The following CLIP1 variants were observed in gnomAD, a reference collection of about 807,000 sequenced individuals.
CLIP1 encodes the protein CAP-Gly domain containing linker protein 1, also known as CAP-Gly domain-containing linker protein 1.
CLIP1 carries 66 observed loss-of-function variants against 161.6 expected under a neutral mutation model. That is an observed-to-expected ratio of 0.41 (90% CI 0.33 to 0.50). The LOEUF is 0.50. Ranked by LOEUF, CLIP1 falls within the 20% of genes least tolerant of loss-of-function variation. The probability of loss-of-function intolerance (pLI) is 0.27; values close to 1 mark genes in which losing one functional copy is unlikely to be tolerated. For synonymous variants in CLIP1, 598 were observed against 626.2 expected (o/e 0.96, Z 0.67); for missense variants, 1,376 against 1,702.0 (o/e 0.81, Z 3.37).
chr12:122,416,527 G>C (rs1487110414), intron 1 of CLIP1, among the ~76,000 whole-genome samples: 1 of 152,160 alleles, frequency 6.6e-6, no homozygotes. Flanking sequence ...GGGAGGTTGA[G>C]ATGAGAGGAT....
At chr12:122,366,438 C>T (rs1419067177) in intron 3 of CLIP1, among the ~76,000 whole-genome samples, 1 of 152,166 alleles carries the variant, frequency 6.6e-6, no homozygotes, top group Admixed American at 6.5e-5. Context: ...CATGATCACA[C>T]CACTGCACTA....
At chr12:122,281,354 G>T (rs929801989) in intron 21 of CLIP1, among the ~76,000 whole-genome samples, 3 of 152,032 alleles carry the variant, frequency 2.0e-5, no homozygotes, top group African/African-American at 7.2e-5. Flanking sequence ...TTGCCACCTG[G>T]GAAGTAAAAA....
Position 122,272,732 on chromosome 12 carries a change from G to A in CLIP1, c.*143C>T. On this transcript the variant is annotated 3_prime_UTR_variant, in exon 26 of 26. Coordinates refer to ENST00000620786, the MANE Select transcript of CLIP1 (RefSeq NM_001247997.2). ...CGGGGAGACTAAAGGGCAATTTGTT[G>A]AAGATCAAAATATTTTCCTAGATTT... The A allele has an allele frequency of 1.4e-6, 1 of 695,590 alleles. No individual in the cohort carries two copies. The highest frequency in any genetic ancestry group is 2.5e-6 in the Non-Finnish European group (1 of 402,064). The allele number at this position is 695,590 out of a possible 1,614,324, so 43.1% of individuals were successfully genotyped here.
chr12:122,320,041 G>A (rs1027789817), intron 17 of CLIP1, among the ~76,000 whole-genome samples: 27 of 152,028 alleles, frequency 1.8e-4, no homozygotes, highest in Non-Finnish European at 2.1e-4. Context: ...TTGGGAGGCC[G>A]AGGCAGGCGG....
At chr12:122,412,526 G>A (rs1261614527) in intron 1 of CLIP1, among the ~76,000 whole-genome samples, 3 of 151,984 alleles carry the variant, frequency 2.0e-5, no homozygotes, top group East Asian at 1.9e-4. Context: ...AAGGTGGCAC[G>A]TGTTTGTAAT....
intron 20 of CLIP1, among the ~76,000 whole-genome samples, chr12:122,306,865 G>T (rs1228381070): frequency 6.6e-6 from 1 of 152,006 alleles, no homozygotes; most frequent in Non-Finnish European, 1.5e-5. Flanking sequence ...TTAAAATCTT[G>T]AACAATAATC....
intron 20 of CLIP1, among the ~76,000 whole-genome samples, chr12:122,292,024 C>G (rs1043809669): frequency 6.6e-6 from 1 of 152,136 alleles, no homozygotes; most frequent in African/African-American, 2.4e-5. Context: ...CAGAGTCTCG[C>G]TCTGTCACCC....
chr12:122,320,930 G>C (rs1951474857), intron 17 of CLIP1, among the ~76,000 whole-genome samples: 1 of 151,400 alleles, frequency 6.6e-6, no homozygotes, highest in African/African-American at 2.4e-5. Context: ...GGATGGTCTT[G>C]ATCTTCTGAT....
intron 20 of CLIP1, among the ~76,000 whole-genome samples, chr12:122,307,677 G>C (rs966089126): frequency 1.3e-5 from 2 of 152,116 alleles, no homozygotes; most frequent in African/African-American, 2.4e-5. Context: ...TAGAATTCTT[G>C]GAGATGATAC....
chr12:122,316,938 T>A, intron 18 of CLIP1, 83 bp from the exon 19 acceptor site: 1 of 840,622 alleles, frequency 1.2e-6, no homozygotes, highest in Non-Finnish European at 1.8e-6. Flanking sequence ...TGAAAATGTG[T>A]ACTGAAAAGA....
At chr12:122,314,274 G>A (rs561383899) in intron 19 of CLIP1, among the ~76,000 whole-genome samples, 1 of 138,514 alleles carries the variant, frequency 7.2e-6, no homozygotes, top group African/African-American at 2.9e-5. Context: ...CTGGGCTAAA[G>A]GGTGAGACTC....
At position 122,341,081 on chromosome 12, in the gene CLIP1, T is replaced by C. The variant is rs1189976999; in HGVS notation, c.2123A>G (p.Asn708Ser). The C allele has an allele frequency of 6.2e-6, 10 of 1,613,724 alleles. No homozygotes were observed. The highest frequency in any genetic ancestry group is 8.5e-6 in the Non-Finnish European group (10 of 1,179,990). ...TTTCGACCTGATGGCTTCCAGACTG[T>C]TTTCCTTTTCTTTAATAACTTTCAT... ...KLMKVIKEKENSLEAIRSKLD... is the reference protein window; with the variant it reads ...KLMKVIKEKESSLEAIRSKLD... Residue 708 changes from asparagine (N) to serine (S), a missense_variant, in exon 11 of 26, where the codon AAC (asparagine) becomes AGC (serine). Coordinates refer to ENST00000620786, the MANE Select transcript of CLIP1 (RefSeq NM_001247997.2).
chr12:122,365,986 GT>G (rs1954144060), intron 3 of CLIP1, among the ~76,000 whole-genome samples: 2 of 152,010 alleles, frequency 1.3e-5, no homozygotes, highest in Admixed American at 1.3e-4. Flanking sequence ...TCCAGCCTGG[GT>G]GACAGAGTGA....
intron 6 of CLIP1, 66 bp from the exon 7 acceptor site, chr12:122,354,622 C>A: frequency 1.6e-6 from 2 of 1,279,306 alleles, no homozygotes; most frequent in South Asian, 1.2e-5. Context: ...AGTGATACTT[C>A]TCCAAAGAGC....
At position 122,340,841 on chromosome 12, in the gene CLIP1, G is replaced by T. The variant is rs147792689; in HGVS notation, c.2363C>A (p.Ser788Ter). The change falls in exon 11 of 26, where the codon TCG becomes TAG. Residue 788 changes from serine (S) to a stop codon, truncating the protein, a stop_gained. Coordinates refer to ENST00000620786, the MANE Select transcript of CLIP1 (RefSeq NM_001247997.2). LOFTEE classifies it high-confidence loss of function. ...CTGCTGTCTAAGTTTCTTCATTTCC[G>T]ATTTACCTTCGGAACTGGCTTTCCG... is the stretch of plus-strand genomic sequence containing the variant. The part of the protein sequence containing the change: ...ALRKASSEGK[S>*]EMKKLRQQLE... 6.2e-6 allele frequency: 10 copies of T among 1,613,988 alleles called. No individual in the cohort carries two copies. Among genetic ancestry groups the T allele is most frequent in the Middle Eastern group, 3.3e-4 (2 of 6,060 alleles).
At chr12:122,386,037 G>A (rs1453893882) in intron 1 of CLIP1, among the ~76,000 whole-genome samples, 1 of 152,202 alleles carries the variant, frequency 6.6e-6, no homozygotes, top group Non-Finnish European at 1.5e-5. Context: ...TGTAATCCCA[G>A]CACTTTTGGA....
intron 3 of CLIP1, among the ~76,000 whole-genome samples, chr12:122,368,860 G>A (rs1954292595): frequency 6.6e-6 from 1 of 151,572 alleles, no homozygotes; most frequent in African/African-American, 2.4e-5. Flanking sequence ...CAACCCCAGA[G>A]GTGGAGGTTG....
intron 5 of CLIP1, among the ~76,000 whole-genome samples, chr12:122,357,355 C>G (rs538269952): frequency 8.0e-5 from 12 of 150,240 alleles, no homozygotes; most frequent in Non-Finnish European, 1.3e-4. Context: ...GGAGACCCTC[C>G]GCCTGGCAAC....
At chr12:122,359,731 C>T (rs1487715708) in intron 5 of CLIP1, among the ~76,000 whole-genome samples, 1 of 152,186 alleles carries the variant, frequency 6.6e-6, no homozygotes, top group East Asian at 1.9e-4. Flanking sequence ...AAGATTTCAG[C>T]ACCTGTCCCT....
Sources: gnomAD v4.1 joint callset for allele counts (sites outside exome capture counted in the v4.1 genomes callset) on GRCh38, gnomAD v4.1.1 for gene constraint, MANE v1.5 for transcripts, NCBI Gene and HGNC (gene_info 2026-07-23, HGNC 2026-07-21) for gene names.